GPC5: variants seen among roughly 807,000 people sequenced by gnomAD.
GPC5 encodes the protein glypican-5.
In GPC5, 47 loss-of-function variants were observed where a neutral mutation model predicts 53.9. That is an observed-to-expected ratio of 0.87 (90% CI 0.69 to 1.11). The LOEUF (loss-of-function observed/expected upper bound fraction) is 1.11. GPC5 is among the 50% of genes most tolerant of loss of function. GPC5 has a pLI of 0.00. For synonymous variants in GPC5, 286 were observed against 263.3 expected (o/e 1.09, Z -0.84); for missense variants, 748 against 713.1 (o/e 1.05, Z -0.56).
At chr13:92,317,336 C>G (rs1389027766) in intron 7 of GPC5, among the ~76,000 whole-genome samples, 1 of 151,972 alleles carries the variant, frequency 6.6e-6, no homozygotes, top group East Asian at 1.9e-4. Context: ...GAAAAGGGTC[C>G]AAGATAATGG....
intron 7 of GPC5, among the ~76,000 whole-genome samples, chr13:92,304,218 T>C (rs2043095043): frequency 1.3e-5 from 2 of 150,018 alleles, no homozygotes; most frequent in African/African-American, 2.5e-5. Flanking sequence ...TTTTTTTTTC[T>C]TTTTTAGACA....
In GPC5 at chr13:92,221,994, T is replaced by C. The variant is rs548784393; in HGVS notation, c.1561+77005T>C. Among the ~76,000 whole-genome samples, 163 of 152,338 alleles carry C rather than the reference T, an allele frequency of 1.1e-3. 1 individual carries two copies. Among genetic ancestry groups the C allele is most frequent in the African/African-American group, 3.7e-3 (153 of 41,582 alleles). ...CAGAGACATTTTACGAATTGCATGA[T>C]ATTTGAGTGTTGGGTGTGAATGAGT... On this transcript the variant is annotated intron_variant, in intron 7 of 7. Transcript: ENST00000377067.
chr13:92,717,601 C>T (rs1299603779), intron 7 of GPC5, among the ~76,000 whole-genome samples: 1 of 152,134 alleles, frequency 6.6e-6, no homozygotes, highest in East Asian at 1.9e-4. Context: ...TGTGTATTTT[C>T]TTCAGAAGTC....
chr13:91,807,270 T>A (rs1196574016), intron 5 of GPC5, among the ~76,000 whole-genome samples: 2 of 152,168 alleles, frequency 1.3e-5, no homozygotes, highest in Non-Finnish European at 2.9e-5. Context: ...AGAGTTATAA[T>A]CACCCCACAT....
chr13:92,850,041 C>A (rs1878740773), intron 7 of GPC5, among the ~76,000 whole-genome samples: 1 of 152,186 alleles, frequency 6.6e-6, no homozygotes, highest in African/African-American at 2.4e-5. Flanking sequence ...AGTAAGTTGA[C>A]ATCAAAGTGA....
At chr13:92,635,262 T>C (rs1433999536) in intron 7 of GPC5, among the ~76,000 whole-genome samples, 2 of 152,168 alleles carry the variant, frequency 1.3e-5, no homozygotes, top group African/African-American at 4.8e-5. Flanking sequence ...TTATCTTGGT[T>C]CCCTCTCTAT....
At chr13:92,673,104 A>T (rs1886807665) in intron 7 of GPC5, among the ~76,000 whole-genome samples, 1 of 152,182 alleles carries the variant, frequency 6.6e-6, no homozygotes. Flanking sequence ...ATTGATATCA[A>T]CTTTAAATAA....
chr13:92,177,602 G>A (rs1157618624), intron 7 of GPC5, among the ~76,000 whole-genome samples: 2 of 152,056 alleles, frequency 1.3e-5, no homozygotes, highest in African/African-American at 4.8e-5. Flanking sequence ...GATCAGATAT[G>A]CACAGTCTCT....
intron 7 of GPC5, among the ~76,000 whole-genome samples, chr13:92,419,172 T>C (rs1007734927): frequency 6.6e-6 from 1 of 152,178 alleles, no homozygotes; most frequent in African/African-American, 2.4e-5. Context: ...ACCTGGGTCA[T>C]CAAAGGGACC....
intron 7 of GPC5, among the ~76,000 whole-genome samples, chr13:92,410,139 C>T (rs527671629): frequency 3.5e-4 from 53 of 152,046 alleles, no homozygotes; most frequent in Non-Finnish European, 2.1e-4. Flanking sequence ...AATGCTCAGA[C>T]GAAAATAAGC....
At chr13:92,026,234 T>C (rs1051164503) in intron 6 of GPC5, among the ~76,000 whole-genome samples, 7 of 152,070 alleles carry the variant, frequency 4.6e-5, no homozygotes, top group African/African-American at 1.4e-4. Context: ...TCATAACATA[T>C]GCAAATTATT....
Position 92,218,111 on chromosome 13 carries a change from A to G in GPC5, c.1561+73122A>G, listed in dbSNP as rs984806534. ...ACTAATTTTTAAAAAAAAATTTAGT[A>G]GAGATGGCGTCTTGCTATGTTGCCC... On this transcript the variant is annotated intron_variant, in intron 7 of 7. Transcript: ENST00000377067. 4.6e-5 allele frequency among the ~76,000 whole-genome samples: 7 copies of G among 151,856 alleles called. No homozygotes were observed. In the East Asian group the frequency reaches 7.8e-4, roughly 17 times the overall value.
chr13:92,369,976 G>A (rs1162516520), intron 7 of GPC5, among the ~76,000 whole-genome samples: 2 of 152,142 alleles, frequency 1.3e-5, no homozygotes. Context: ...TTTTTAGGCA[G>A]GTTCACTTTT....
intron 6 of GPC5, among the ~76,000 whole-genome samples, chr13:92,055,566 TA>T (rs1221050692): frequency 3.9e-5 from 6 of 152,228 alleles, no homozygotes; most frequent in Non-Finnish European, 7.3e-5. Context: ...CTCAAAAGTT[TA>T]AATATTTTAA....
chr13:92,638,119 T>C (rs1025302494), intron 7 of GPC5, among the ~76,000 whole-genome samples: 4 of 152,096 alleles, frequency 2.6e-5, no homozygotes, highest in African/African-American at 9.7e-5. Context: ...ATAAGGGTAA[T>C]TGGATTCCCC....
intron 7 of GPC5, among the ~76,000 whole-genome samples, chr13:92,252,281 CAG>C (rs2042697714): frequency 6.6e-6 from 1 of 151,930 alleles, no homozygotes; most frequent in Admixed American, 6.6e-5. Context: ...TTTGGATAAA[CAG>C]TGGATATTTT....
intron 2 of GPC5, among the ~76,000 whole-genome samples, chr13:91,588,194 G>A (rs2032667399): frequency 1.3e-5 from 2 of 152,054 alleles, no homozygotes; most frequent in Admixed American, 6.6e-5. Flanking sequence ...ACTGGCTAAT[G>A]CTCATAAAAC....
intron 3 of GPC5, among the ~76,000 whole-genome samples, chr13:91,701,079 A>G (rs1305768774): frequency 1.3e-5 from 2 of 152,122 alleles, no homozygotes; most frequent in African/African-American, 4.8e-5. Flanking sequence ...TTTATTTTTC[A>G]TTTAACTACC....
chr13:91,693,742 C>T lies in GPC5; in HGVS notation c.881C>T (p.Ala294Val), dbSNP rs772070951. The T allele has an allele frequency of 4.5e-5, 73 of 1,614,056 alleles. No individual in the cohort carries two copies. The highest frequency in any genetic ancestry group is 6.1e-5 in the Non-Finnish European group (72 of 1,180,046). The change falls in exon 3 of 8, where the codon GCA becomes GTA. Residue 294 changes from alanine to valine, a missense_variant. By Grantham distance (64) the Ala-to-Val change is moderately conservative. Coordinates refer to ENST00000377067, the MANE Select transcript of GPC5 (RefSeq NM_004466.6). Reference sequence around the variant, plus strand: ...GCGGAGCTTAATCCACACTGGCATGCATATATCCGGTCGTTGGAAGAACTC... The same window carrying T: ...GCGGAGCTTAATCCACACTGGCATGTATATATCCGGTCGTTGGAAGAACTC... Reference protein sequence around the residue: ...HMAELNPHWHAYIRSLEELSD... With the variant: ...HMAELNPHWHVYIRSLEELSD...
Sources: gnomAD v4.1 joint callset for allele counts (sites outside exome capture counted in the v4.1 genomes callset) on GRCh38, gnomAD v4.1.1 for gene constraint, MANE v1.5 for transcripts, NCBI Gene and HGNC (gene_info 2026-07-23, HGNC 2026-07-21) for gene names.